The following ZBTB20 variants were observed in gnomAD, a reference collection of about 807,000 sequenced individuals.
The protein encoded by ZBTB20 is zinc finger and BTB domain-containing protein 20.
In ZBTB20, 9 loss-of-function variants were observed where a neutral mutation model predicts 56.9. That is an observed-to-expected ratio of 0.16 (90% CI 0.10 to 0.28). ZBTB20 has a LOEUF of 0.28. ZBTB20 is among the 10% of genes least tolerant of loss of function. The probability of loss-of-function intolerance (pLI) is 1.00; values close to 1 mark genes in which losing one functional copy is unlikely to be tolerated. For missense variants in ZBTB20, 655 were observed against 1,003.0 expected (o/e 0.65, Z 4.69); for synonymous variants, 417 against 420.7 (o/e 0.99, Z 0.11).
rs926170667 is a variant in ZBTB20, at chr3:114,350,222, C to T, written c.1804+52G>A. 8.4e-6 allele frequency: 13 copies of T among 1,544,498 alleles called. 1 individual carries two copies. In the South Asian group the frequency reaches 1.5e-4, roughly 18 times the overall value. ...CTACCTGCTCTCTTACCTTGCCTTC[C>T]CACAGCCCCCTCAGCCCCTGCTGCC... On this transcript the variant is annotated intron_variant, in intron 11 of 11. Transcript: ENST00000675478.
chr3:114,400,585 TG>T (rs2086730817), intron 7 of ZBTB20, among the ~76,000 whole-genome samples: 1 of 152,092 alleles, frequency 6.6e-6, no homozygotes, highest in Admixed American at 6.5e-5. Context: ...GTTACTTGAG[TG>T]GGTGAGCCAA....
intron 7 of ZBTB20, among the ~76,000 whole-genome samples, chr3:114,483,361 G>A (rs1289279097): frequency 6.6e-6 from 1 of 151,936 alleles, no homozygotes; most frequent in Non-Finnish European, 1.5e-5. Context: ...AAATAAATGA[G>A]TGAAAGCATG....
At chr3:114,879,618 T>C (rs1300376564) in intron 4 of ZBTB20, among the ~76,000 whole-genome samples, 1 of 152,098 alleles carries the variant, frequency 6.6e-6, no homozygotes, top group Non-Finnish European at 1.5e-5. Flanking sequence ...CTTTCAGAGA[T>C]TGTCAGTAAG....
chr3:114,417,423 G>A (rs1017619401), intron 7 of ZBTB20, among the ~76,000 whole-genome samples: 1 of 152,008 alleles, frequency 6.6e-6, no homozygotes, highest in Non-Finnish European at 1.5e-5. Context: ...TTCTGTAACC[G>A]TCCCTACTAT....
At chr3:114,990,527 G>A (rs1441621643) in intron 2 of ZBTB20, among the ~76,000 whole-genome samples, 3 of 152,050 alleles carry the variant, frequency 2.0e-5, no homozygotes, top group Non-Finnish European at 4.4e-5. Context: ...GAGGATTTTT[G>A]CATCGATGTT....
chr3:114,648,510 G>T (rs866048041), intron 6 of ZBTB20, among the ~76,000 whole-genome samples: 15 of 152,040 alleles, frequency 9.9e-5, no homozygotes, highest in South Asian at 6.2e-4. Flanking sequence ...TTTAGAAAGT[G>T]TCATTCATAA....
At chr3:114,852,978 A>C (rs2075074403) in intron 4 of ZBTB20, among the ~76,000 whole-genome samples, 1 of 152,164 alleles carries the variant, frequency 6.6e-6, no homozygotes, top group Non-Finnish European at 1.5e-5. Flanking sequence ...GATTAGCGGG[A>C]GTTCCAAAGG....
chr3:114,966,941 A>G (rs1481736879), intron 3 of ZBTB20, among the ~76,000 whole-genome samples: 1 of 152,178 alleles, frequency 6.6e-6, no homozygotes, highest in African/African-American at 2.4e-5. Flanking sequence ...ATAAGAAAAG[A>G]GTCACCTTCC....
At chr3:115,117,444 T>G (rs1214491979) in intron 1 of ZBTB20, among the ~76,000 whole-genome samples, 2 of 152,172 alleles carry the variant, frequency 1.3e-5, no homozygotes, top group Non-Finnish European at 2.9e-5. Context: ...ATCTAAATGT[T>G]GGTTTCTACA....
intron 6 of ZBTB20, among the ~76,000 whole-genome samples, chr3:114,655,152 A>G (rs1055611120): frequency 2.0e-5 from 3 of 151,684 alleles, no homozygotes; most frequent in African/African-American, 7.3e-5. Context: ...TATTGCTACA[A>G]TTAAGTTTAG....
intron 6 of ZBTB20, among the ~76,000 whole-genome samples, chr3:114,515,051 G>A (rs1347379426): frequency 2.6e-5 from 4 of 152,128 alleles, no homozygotes; most frequent in African/African-American, 9.7e-5. Context: ...ATGAAACACT[G>A]ACCACCAGGC....
chr3:115,055,769 T>A (rs1363808167), intron 2 of ZBTB20, among the ~76,000 whole-genome samples: 1 of 152,120 alleles, frequency 6.6e-6, no homozygotes, highest in Non-Finnish European at 1.5e-5. Context: ...TTCATAATCT[T>A]TTGCTGGCTC....
intron 3 of ZBTB20, among the ~76,000 whole-genome samples, chr3:114,960,706 T>A (rs1350889759): frequency 2.0e-5 from 3 of 152,206 alleles, no homozygotes; most frequent in African/African-American, 7.2e-5. Flanking sequence ...TTTCAATGTG[T>A]TCTGGTTACA....
intron 7 of ZBTB20, among the ~76,000 whole-genome samples, chr3:114,477,079 C>T (rs1468493051): frequency 1.3e-5 from 2 of 152,164 alleles, no homozygotes; most frequent in Non-Finnish European, 2.9e-5. Flanking sequence ...TAAATGTCAC[C>T]TTTGAAAAAG....
chr3:115,140,522 T>C (rs932175132), intron 1 of ZBTB20, among the ~76,000 whole-genome samples: 4 of 151,880 alleles, frequency 2.6e-5, no homozygotes, highest in African/African-American at 9.7e-5. Flanking sequence ...TTACTGAAAA[T>C]GTGTGTGAGT....
rs771208140 is a variant in ZBTB20, at chr3:114,906,481, C to T, written c.-455-6139G>A. Among the ~76,000 whole-genome samples the T allele has an allele frequency of 1.1e-4, 17 of 151,554 alleles. No individual in the cohort carries two copies. In the East Asian group the frequency reaches 1.9e-3, roughly 17 times the overall value. ...AGTTTTGAGTTTGAATTAAAGCTTACTAGGTATGTGTCCTAGGTAAACTTA... is the reference window on the plus strand; with the variant it reads ...AGTTTTGAGTTTGAATTAAAGCTTATTAGGTATGTGTCCTAGGTAAACTTA... On this transcript the variant is annotated intron_variant, in intron 3 of 11. Transcript: ENST00000675478.
chr3:114,814,704 C>G (rs1199289629), intron 4 of ZBTB20, among the ~76,000 whole-genome samples: 2 of 152,134 alleles, frequency 1.3e-5, no homozygotes, highest in African/African-American at 4.8e-5. Flanking sequence ...AATTTGGGAC[C>G]TATGGAACAA....
At chr3:115,003,715 T>C (rs2079350259) in intron 2 of ZBTB20, among the ~76,000 whole-genome samples, 1 of 151,540 alleles carries the variant, frequency 6.6e-6, no homozygotes, top group African/African-American at 2.4e-5. Context: ...GTTTAACAAA[T>C]ATTATGTTTG....
At chr3:114,818,707 T>C (rs1380826138) in intron 4 of ZBTB20, among the ~76,000 whole-genome samples, 3 of 151,890 alleles carry the variant, frequency 2.0e-5, no homozygotes, top group African/African-American at 7.2e-5. Flanking sequence ...ATATCTGTCT[T>C]AAATCAACAA....
Sources: allele counts gnomAD v4.1 joint callset (sites outside exome capture counted in the v4.1 genomes callset), GRCh38; gene constraint gnomAD v4.1.1; transcripts MANE v1.5; gene names NCBI Gene and HGNC (gene_info 2026-07-23, HGNC 2026-07-21).